The following PAPSS1 variants were observed in gnomAD, a reference collection of about 807,000 sequenced individuals.
PAPSS1 encodes the protein 3'-phosphoadenosine 5'-phosphosulfate synthase 1.
PAPSS1 carries 50 observed loss-of-function variants against 72.0 expected under a neutral mutation model. That is an observed-to-expected ratio of 0.69 (90% confidence interval 0.55 to 0.88). The LOEUF (loss-of-function observed/expected upper bound fraction) is 0.88. Among genes scored for constraint, PAPSS1 ranks in the 40% least tolerant of loss-of-function variants. The pLI, the probability that PAPSS1 is intolerant of heterozygous loss-of-function variation, is 0.00. For missense variants in PAPSS1, 657 were observed against 782.2 expected (o/e 0.84, Z 1.91); for synonymous variants, 261 against 263.6 (o/e 0.99, Z 0.09).
chr4:107,719,107 T>A (rs1401749911), intron 1 of PAPSS1, among the ~76,000 whole-genome samples: 1 of 151,806 alleles, frequency 6.6e-6, no homozygotes, highest in Non-Finnish European at 1.5e-5. Flanking sequence ...GAGAGAGGAA[T>A]CAGTAAACAA....
intron 5 of PAPSS1, among the ~76,000 whole-genome samples, chr4:107,660,844 T>C (rs1727160988): frequency 6.6e-6 from 1 of 152,190 alleles, no homozygotes; most frequent in Non-Finnish European, 1.5e-5. Flanking sequence ...AAATTGGCAC[T>C]GATGGAGGGC....
intron 10 of PAPSS1, among the ~76,000 whole-genome samples, chr4:107,634,988 CG>C (rs1209197322): frequency 6.6e-6 from 1 of 151,602 alleles, no homozygotes; most frequent in Non-Finnish European, 1.5e-5. Flanking sequence ...TTAGTAGAGA[CG>C]GGGTTTTACC....
chr4:107,646,446 CA>C (rs1220229356), intron 9 of PAPSS1, among the ~76,000 whole-genome samples: 2 of 151,128 alleles, frequency 1.3e-5, no homozygotes, highest in Non-Finnish European at 2.9e-5. Flanking sequence ...AGAAGCAAAA[CA>C]AAAGCCCATA....
intron 11 of PAPSS1, among the ~76,000 whole-genome samples, chr4:107,621,550 A>G (rs1270168742): frequency 2.7e-5 from 4 of 149,456 alleles, no homozygotes; most frequent in African/African-American, 9.8e-5. Context: ...ATGCATCAAA[A>G]TCAGGGCACC....
chr4:107,682,219 A>C (rs1163268515), intron 4 of PAPSS1, 86 bp from the exon 5 acceptor site: 1 of 670,058 alleles, frequency 1.5e-6, no homozygotes, highest in Non-Finnish European at 2.6e-6. Flanking sequence ...GCTACATTGA[A>C]GTTAGTATCT....
chr4:107,718,233 C>G (rs1045368829), intron 1 of PAPSS1: 13 of 152,108 alleles, frequency 8.5e-5, no homozygotes, highest in African/African-American at 3.1e-4. Flanking sequence ...TTACAAGGAT[C>G]AGAAAATTTA....
At chr4:107,635,016 T>C (rs902207093) in intron 10 of PAPSS1, among the ~76,000 whole-genome samples, 5 of 152,122 alleles carry the variant, frequency 3.3e-5, no homozygotes, top group Non-Finnish European at 5.9e-5. Flanking sequence ...GCCAGGATGG[T>C]CTCGATCTCC....
chr4:107,655,835 TA>T (rs1481169411), intron 7 of PAPSS1, among the ~76,000 whole-genome samples: 3 of 152,218 alleles, frequency 2.0e-5, no homozygotes. Context: ...ACTTTGCAAT[TA>T]GCTCCAAGGA....
intron 7 of PAPSS1, 121 bp downstream of exon 7, chr4:107,656,775 T>C: frequency 1.4e-6 from 1 of 692,452 alleles, no homozygotes; most frequent in Non-Finnish European, 2.6e-6. Flanking sequence ...TATAACTTAG[T>C]CTTATAATGC....
intron 5 of PAPSS1, among the ~76,000 whole-genome samples, chr4:107,673,653 T>C (rs991730607): frequency 1.3e-5 from 2 of 151,836 alleles, no homozygotes; most frequent in Non-Finnish European, 2.9e-5. Context: ...ACTTCCCCAA[T>C]CTAGCAAGGC....
intron 11 of PAPSS1, among the ~76,000 whole-genome samples, chr4:107,631,144 C>T (rs1353262853): frequency 6.6e-6 from 1 of 152,064 alleles, no homozygotes; most frequent in African/African-American, 2.4e-5. Flanking sequence ...TCAAATATTC[C>T]AAAATCTGAA....
intron 5 of PAPSS1, among the ~76,000 whole-genome samples, chr4:107,665,860 A>G (rs1264741397): frequency 6.6e-6 from 1 of 152,214 alleles, no homozygotes; most frequent in East Asian, 1.9e-4. Context: ...GGCAAACAAC[A>G]TGCGCTACAT....
At chr4:107,647,359 C>G (rs1451285640) in intron 9 of PAPSS1, among the ~76,000 whole-genome samples, 2 of 152,222 alleles carry the variant, frequency 1.3e-5, no homozygotes, top group African/African-American at 4.8e-5. Flanking sequence ...CATGACACTG[C>G]TGGACTGGAT....
intron 3 of PAPSS1, 130 bp downstream of exon 3, chr4:107,693,641 A>G (rs959295288): frequency 4.6e-6 from 3 of 646,064 alleles, no homozygotes; most frequent in Non-Finnish European, 8.2e-6. Context: ...TTACAGGAAC[A>G]AAGAGATGGT....
chr4:107,651,657 T>C (rs564850495), intron 9 of PAPSS1, among the ~76,000 whole-genome samples: 50 of 152,200 alleles, frequency 3.3e-4, no homozygotes, highest in African/African-American at 1.1e-3. Flanking sequence ...TTGTGAGAAC[T>C]TACTGTCACG....
In PAPSS1 at chr4:107,653,939, C is replaced by T. The variant is rs1049823001; in HGVS notation, c.1102-313G>A. 9.2e-5 allele frequency among the ~76,000 whole-genome samples: 14 copies of T among 152,180 alleles called. No homozygotes were observed. In the South Asian group the frequency reaches 2.1e-3, roughly 22 times the overall value. ...CATTTATTAACAGAACAATTTGTAG[C>T]TCTGGGTCACCCCACACTGTGTTCT... On this transcript the variant is annotated intron_variant, in intron 8 of 11. Transcript: ENST00000265174.
chr4:107,657,078 A>C, intron 6 of PAPSS1, 71 bp from the exon 7 acceptor site: 1 of 940,048 alleles, frequency 1.1e-6, no homozygotes, highest in South Asian at 1.3e-5. Context: ...GATGACCTTT[A>C]GGAATTTAAT....
At chr4:107,703,535 T>C (rs780602468) in intron 1 of PAPSS1, among the ~76,000 whole-genome samples, 13 of 152,222 alleles carry the variant, frequency 8.5e-5, no homozygotes, top group Admixed American at 2.0e-4. Flanking sequence ...GTTTTTTTTA[T>C]ATGAGGTGAG....
At chr4:107,633,272 A>G (rs1726270126) in intron 10 of PAPSS1, among the ~76,000 whole-genome samples, 1 of 152,186 alleles carries the variant, frequency 6.6e-6, no homozygotes, top group Non-Finnish European at 1.5e-5. Flanking sequence ...TTATAATAGT[A>G]TTTATCTCAT....
Sources: allele counts gnomAD v4.1 joint callset (sites outside exome capture counted in the v4.1 genomes callset), GRCh38; gene constraint gnomAD v4.1.1; transcripts MANE v1.5; gene names NCBI Gene and HGNC (gene_info 2026-07-23, HGNC 2026-07-21).